Variants in TMEM114 observed in about 807,000 individuals in gnomAD.
TMEM114 encodes transmembrane protein 114.
Under a neutral mutation model 6.2 loss-of-function variants are expected in TMEM114, and 6 were observed. That is an observed-to-expected ratio of 0.97 (90% CI 0.53 to 1.91). TMEM114 has a LOEUF of 1.91. Ranked by LOEUF, TMEM114 falls within the 40% of genes most tolerant of loss-of-function variation. The pLI is 0.01. For missense variants in TMEM114, 218 were observed against 158.3 expected, an observed-to-expected ratio of 1.38 and a Z score of -2.02; for synonymous variants, 104 against 73.0, an observed-to-expected ratio of 1.42 and a Z score of -2.16.
intron 2 of TMEM114, among the ~76,000 whole-genome samples, chr16:8,549,954 C>G (rs1212076059): frequency 6.6e-6 from 1 of 152,188 alleles, no homozygotes; most frequent in Non-Finnish European, 1.5e-5. Flanking sequence ...GTCCCAAAAC[C>G]TCAAAACCAG....
chr16:8,549,627 G>T (rs917955040), intron 2 of TMEM114, among the ~76,000 whole-genome samples: 1 of 151,540 alleles, frequency 6.6e-6, no homozygotes, highest in African/African-American at 2.4e-5. Context: ...GTTTTCCTTC[G>T]TGTGTGTGTG....
At chr16:8,586,365 T>A (rs571056504) in intron 2 of TMEM114, among the ~76,000 whole-genome samples, 17 of 152,266 alleles carry the variant, frequency 1.1e-4, no homozygotes, top group Admixed American at 2.0e-4. Context: ...GGTGTCCACA[T>A]CTCATTTTGA....
At chr16:8,579,077 T>C (rs912339838) in intron 2 of TMEM114, among the ~76,000 whole-genome samples, 9 of 152,190 alleles carry the variant, frequency 5.9e-5, no homozygotes, top group African/African-American at 2.2e-4. Flanking sequence ...AAAAATGCTT[T>C]GCTACAAGTC....
chr16:8,589,175 C>T (rs1458928695), intron 2 of TMEM114, 38 bp downstream of exon 2: 3 of 398,588 alleles, frequency 7.5e-6, no homozygotes, highest in East Asian at 7.1e-5. Context: ...CGGCTAGGAC[C>T]GGGGCGCTCC....
intron 2 of TMEM114, among the ~76,000 whole-genome samples, chr16:8,555,781 C>T (rs1900990640): frequency 6.6e-6 from 1 of 152,162 alleles, no homozygotes; most frequent in Non-Finnish European, 1.5e-5. Flanking sequence ...ATGCAGTTGG[C>T]ATCTACTGGG....
intron 3 of TMEM114, among the ~76,000 whole-genome samples, chr16:8,570,625 T>TAG (rs1901704478): frequency 6.6e-6 from 1 of 152,150 alleles, no homozygotes; most frequent in Non-Finnish European, 1.5e-5. Flanking sequence ...TTTGTGTAAT[T>TAG]ATTTAACTAA....
intron 2 of TMEM114, among the ~76,000 whole-genome samples, chr16:8,579,917 C>G (rs1444752710): frequency 1.3e-5 from 2 of 152,100 alleles, no homozygotes; most frequent in African/African-American, 4.8e-5. Flanking sequence ...TTAAAGCCTT[C>G]CTGAGTGGGG....
intron 2 of TMEM114, among the ~76,000 whole-genome samples, chr16:8,551,776 C>T (rs2141659488): frequency 6.6e-6 from 1 of 152,310 alleles, no homozygotes; most frequent in South Asian, 2.1e-4. Context: ...TAAACTTCTC[C>T]ATTCAAGCTC....
At chr16:8,584,116 G>C (rs1902241358) in intron 2 of TMEM114, among the ~76,000 whole-genome samples, 1 of 152,230 alleles carries the variant, frequency 6.6e-6, no homozygotes, top group Admixed American at 6.5e-5. Context: ...AGAGGATTTA[G>C]CTGAAAGCAG....
intron 2 of TMEM114, among the ~76,000 whole-genome samples, chr16:8,558,938 T>A (rs1901106114): frequency 6.7e-6 from 1 of 150,140 alleles, no homozygotes; most frequent in Admixed American, 6.7e-5. Context: ...AGAGACGGGG[T>A]TTCACCATGT....
chr16:8,560,135 G>A (rs999250681), intron 2 of TMEM114, among the ~76,000 whole-genome samples: 9 of 152,084 alleles, frequency 5.9e-5, no homozygotes, highest in Admixed American at 2.0e-4. Flanking sequence ...TGGGACTACA[G>A]GTGCACACCA....
At chr16:8,572,270 A>T (rs1337773461) in intron 2 of TMEM114, 46 bp from the exon 3 acceptor site, 1 of 1,549,858 alleles carries the variant, frequency 6.5e-7, no homozygotes, top group Non-Finnish European at 8.7e-7. Context: ...AGTTACTAAC[A>T]TCCTTCATTC....
chr16:8,583,831 C>A (rs1037207759), intron 2 of TMEM114, among the ~76,000 whole-genome samples: 1 of 152,178 alleles, frequency 6.6e-6, no homozygotes, highest in African/African-American at 2.4e-5. Context: ...TTGCCTGCCC[C>A]TACACCTGAT....
intron 2 of TMEM114, among the ~76,000 whole-genome samples, chr16:8,556,208 A>G (rs1381917573): frequency 3.3e-5 from 5 of 152,052 alleles, no homozygotes; most frequent in African/African-American, 1.2e-4. Flanking sequence ...ACATTCTCTC[A>G]TCTACACAAG....
In TMEM114 at chr16:8,544,797, C is replaced by T. The variant is rs551695353; in HGVS notation, n.213-6971G>A. ...AAATTAATTTGTATTTTGTTCAACC[C>T]AATCAAATTTACAGACATTTGAAAA... On this transcript the variant is annotated intron_variant and non_coding_transcript_variant, in intron 2 of 2. Transcript: ENST00000623677. Among the ~76,000 whole-genome samples, 34 of 152,246 alleles carry T rather than the reference C, an allele frequency of 2.2e-4. 1 individual carries two copies. The South Asian group carries it at 6.8e-3, about 31-fold the overall frequency.
intron 2 of TMEM114, among the ~76,000 whole-genome samples, chr16:8,564,156 A>C (rs1022056894): frequency 2.6e-5 from 4 of 151,326 alleles, no homozygotes; most frequent in African/African-American, 9.9e-5. Context: ...TGAATGAGTT[A>C]GTGAATGAGT....
At chr16:8,557,559 T>TA (rs1567199934) in intron 2 of TMEM114, among the ~76,000 whole-genome samples, 2 of 152,200 alleles carry the variant, frequency 1.3e-5, no homozygotes, top group Admixed American at 6.5e-5. Flanking sequence ...GGGTCACTAG[T>TA]TTTGGCCACT....
In TMEM114 at chr16:8,569,602, G is replaced by A; in HGVS notation, c.*171C>T. Reference sequence around the variant, plus strand: ...CACGGACATAAGCACACAGGTACTAGGATAACAGCCAGGCCCCAAGCTTAG... The same window carrying A: ...CACGGACATAAGCACACAGGTACTAAGATAACAGCCAGGCCCCAAGCTTAG... On this transcript the variant is annotated 3_prime_UTR_variant, in exon 4 of 4. Transcript: ENST00000620492. 2 of 1,432,286 alleles carry A rather than the reference G, an allele frequency of 1.4e-6. No homozygotes were observed. Among genetic ancestry groups the A allele is most frequent in the South Asian group, 1.5e-5 (1 of 66,972 alleles). The allele number at this position is 1,432,286 out of a possible 1,614,324, so 88.7% of individuals were successfully genotyped here.
chr16:8,542,794 T>C (rs1032725827), intron 2 of TMEM114, among the ~76,000 whole-genome samples: 1 of 152,112 alleles, frequency 6.6e-6, no homozygotes, highest in African/African-American at 2.4e-5. Flanking sequence ...ATCTCCTCAG[T>C]CTCAACTCCC....
Sources: allele counts gnomAD v4.1 joint callset (sites outside exome capture counted in the v4.1 genomes callset), GRCh38; gene constraint gnomAD v4.1.1; transcripts MANE v1.5; gene names NCBI Gene and HGNC (gene_info 2026-07-23, HGNC 2026-07-21).